Variants in TMEFF2 observed in about 807,000 individuals in gnomAD.
The protein encoded by TMEFF2 is tomoregulin-2.
Under a neutral mutation model 53.8 loss-of-function variants are expected in TMEFF2, and 28 were observed. That is an observed-to-expected ratio of 0.52 (90% confidence interval 0.39 to 0.71). The LOEUF is 0.71. Among genes scored for constraint, TMEFF2 ranks in the 30% least tolerant of loss-of-function variants. The pLI is 0.00. For missense variants in TMEFF2, 353 were observed against 455.2 expected (o/e 0.78, Z 2.04); for synonymous variants, 162 against 166.3 (o/e 0.97, Z 0.20).
Position 192,194,551 on chromosome 2 carries a change from C to G in TMEFF2, c.-27G>C, listed in dbSNP as rs1295897386. The G allele has an allele frequency of 6.2e-7, 1 of 1,602,724 alleles. No homozygotes were observed. On this transcript the variant is annotated 5_prime_UTR_variant, in exon 1 of 10. Coordinates refer to ENST00000272771, the MANE Select transcript of TMEFF2 (RefSeq NM_016192.4). This position sits in a 1 kb window ranked among gnomAD's most constrained non-coding sequence, Gnocchi z 4.2. ...ACTAGTTCGTGCAACTCTGCAGCAG[C>G]AAACGGCTTCCGAGGAACACAGGAT... is the stretch of plus-strand genomic sequence containing the variant.
intron 4 of TMEFF2, among the ~76,000 whole-genome samples, chr2:192,154,793 C>A (rs1690468536): frequency 6.6e-6 from 1 of 151,882 alleles, no homozygotes; most frequent in African/African-American, 2.4e-5. Context: ...GGTGATATTG[C>A]AACCACCATC....
At chr2:192,166,699 G>A (rs1690777769) in intron 4 of TMEFF2, among the ~76,000 whole-genome samples, 1 of 152,090 alleles carries the variant, frequency 6.6e-6, no homozygotes, top group Non-Finnish European at 1.5e-5. Context: ...ACAAAATGGA[G>A]AGACTCCAGG....
chr2:192,083,023 G>A (rs1688589586), intron 4 of TMEFF2, among the ~76,000 whole-genome samples: 1 of 148,208 alleles, frequency 6.7e-6, no homozygotes, highest in Non-Finnish European at 1.5e-5. Context: ...TGATGTTGCT[G>A]AAGCTCTTGT....
At position 192,194,230 on chromosome 2, in the gene TMEFF2, T is replaced by C; in HGVS notation, c.172+123A>G. 1 of 1,156,908 alleles carries C rather than the reference T, an allele frequency of 8.6e-7. No individual in the cohort carries two copies. Among genetic ancestry groups the C allele is most frequent in the South Asian group, 1.4e-5 (1 of 69,290 alleles). 71.7% of individuals were successfully genotyped at this position (1,156,908 alleles called of 1,614,324 possible). ...TTTCTCTGGATAGAGGTGGGTGGTA[T>C]TAGGGGTCTAGGGCAGTAGGAGGTG... On this transcript the variant is annotated intron_variant, in intron 1 of 9. Coordinates refer to ENST00000272771, the MANE Select transcript of TMEFF2 (RefSeq NM_016192.4). This position sits in a 1 kb window ranked among gnomAD's most constrained non-coding sequence, Gnocchi z 4.2.
At chr2:192,187,935 A>G (rs16834274) in intron 2 of TMEFF2, among the ~76,000 whole-genome samples, 13,482 of 152,216 alleles carry the variant, frequency 0.089, 676 homozygotes, top group Non-Finnish European at 0.11. Flanking sequence ...AGCATCTAGA[A>G]GCTTATGTAT....
intron 4 of TMEFF2, among the ~76,000 whole-genome samples, chr2:192,090,692 T>G (rs903680910): frequency 7.9e-5 from 12 of 152,132 alleles, no homozygotes; most frequent in African/African-American, 1.2e-4. Flanking sequence ...AGGATGCAAC[T>G]CAGATGTAGG....
At chr2:191,987,153 C>G (rs1685997499) in intron 7 of TMEFF2, among the ~76,000 whole-genome samples, 1 of 152,112 alleles carries the variant, frequency 6.6e-6, no homozygotes, top group Admixed American at 6.5e-5. Flanking sequence ...TGGCCTCCAC[C>G]CACTAGATGC....
At chr2:191,981,807 C>CTAAT (rs1304298943) in intron 7 of TMEFF2, among the ~76,000 whole-genome samples, 1 of 152,112 alleles carries the variant, frequency 6.6e-6, no homozygotes, top group East Asian at 1.9e-4. Flanking sequence ...AAGGAAATTA[C>CTAAT]TAATTAAAAT....
chr2:192,193,463 T>C (rs1243743537), intron 1 of TMEFF2, among the ~76,000 whole-genome samples: 2 of 152,086 alleles, frequency 1.3e-5, no homozygotes, highest in Non-Finnish European at 2.9e-5. Flanking sequence ...CGTCAGAATC[T>C]GAAGGAACCC....
At chr2:192,041,015 T>A (rs997070509) in intron 5 of TMEFF2, among the ~76,000 whole-genome samples, 70 of 152,204 alleles carry the variant, frequency 4.6e-4, no homozygotes, top group Non-Finnish European at 7.9e-4. Context: ...AAACTATAAA[T>A]CCCTTAGAAG....
chr2:192,117,094 A>T (rs78876894), intron 4 of TMEFF2, among the ~76,000 whole-genome samples: 3,714 of 152,230 alleles, frequency 0.024, 147 homozygotes, highest in African/African-American at 0.084. Flanking sequence ...TTGACAAATG[A>T]TACCTTAAAA....
chr2:192,113,815 T>C (rs1689338339), intron 4 of TMEFF2, among the ~76,000 whole-genome samples: 1 of 152,026 alleles, frequency 6.6e-6, no homozygotes. Flanking sequence ...AAGCACTTTA[T>C]TGTATTTGTA....
intron 5 of TMEFF2, among the ~76,000 whole-genome samples, chr2:192,029,862 G>T (rs777051923): frequency 8.5e-5 from 13 of 152,168 alleles, no homozygotes; most frequent in Admixed American, 6.5e-5. Context: ...GAATGGCACT[G>T]TGTACATTTT....
intron 4 of TMEFF2, among the ~76,000 whole-genome samples, chr2:192,122,784 C>T (rs930579582): frequency 6.6e-6 from 1 of 152,052 alleles, no homozygotes; most frequent in African/African-American, 2.4e-5. Flanking sequence ...CTATCAGGCA[C>T]TAACAGATTG....
chr2:192,153,713 C>T (rs975505242), intron 4 of TMEFF2, among the ~76,000 whole-genome samples: 4 of 151,898 alleles, frequency 2.6e-5, no homozygotes, highest in South Asian at 4.2e-4. Context: ...AGGCTGTCTA[C>T]ATTGTTTTCT....
At chr2:192,001,338 G>T (rs1226729813) in intron 5 of TMEFF2, among the ~76,000 whole-genome samples, 1 of 151,722 alleles carries the variant, frequency 6.6e-6, no homozygotes, top group Non-Finnish European at 1.5e-5. Flanking sequence ...ATTTAGAAAT[G>T]TACACTATAT....
intron 4 of TMEFF2, among the ~76,000 whole-genome samples, chr2:192,132,839 T>G (rs1689886619): frequency 6.6e-6 from 1 of 152,158 alleles, no homozygotes; most frequent in African/African-American, 2.4e-5. Context: ...CCCCTGGAAT[T>G]CTGGCCCAAG....
Position 192,192,125 on chromosome 2 carries a change from G to T in TMEFF2, c.173-136C>A, listed in dbSNP as rs560223501. 8.9e-5 allele frequency: 53 copies of T among 595,876 alleles called. No homozygotes were observed. In the African/African-American group the frequency reaches 9.3e-4, roughly 10 times the overall value. 36.9% of individuals were successfully genotyped at this position (595,876 alleles called of 1,614,324 possible). On this transcript the variant is annotated intron_variant, in intron 1 of 9. Coordinates refer to ENST00000272771, the MANE Select transcript of TMEFF2 (RefSeq NM_016192.4). ...ACTATAGCTGTACTGCAAGGTCACT[G>T]TCTACTGATAACCTCAAAATCTAGT...
chr2:192,007,524 T>C (rs1274737732), intron 5 of TMEFF2, among the ~76,000 whole-genome samples: 1 of 152,172 alleles, frequency 6.6e-6, no homozygotes, highest in Non-Finnish European at 1.5e-5. Flanking sequence ...GAAGACAGTA[T>C]ACAGTGTGCT....
Sources: allele counts gnomAD v4.1 joint callset (sites outside exome capture counted in the v4.1 genomes callset), GRCh38; gene constraint gnomAD v4.1.1; non-coding constraint Gnocchi (gnomAD v3.1); transcripts MANE v1.5; gene names NCBI Gene and HGNC (gene_info 2026-07-23, HGNC 2026-07-21).